PGBD5: variants seen among roughly 807,000 people sequenced by gnomAD.
The protein encoded by PGBD5 is piggyBac transposable element derived 5, also known as piggyBac transposable element-derived protein 5.
Under a neutral mutation model 47.9 loss-of-function variants are expected in PGBD5, and 14 were observed. The ratio of observed to expected loss-of-function variants is 0.29; its 90% CI spans 0.19 to 0.46. PGBD5 has a LOEUF of 0.46. PGBD5 is among the 20% of genes least tolerant of loss of function. PGBD5 has a pLI of 1.00. For missense variants in PGBD5, 635 were observed against 716.0 expected (o/e 0.89, Z 1.29); for synonymous variants, 316 against 306.3 (o/e 1.03, Z -0.33).
intron 1 of PGBD5, among the ~76,000 whole-genome samples, chr1:230,401,402 G>A (rs1023924126): frequency 6.6e-6 from 1 of 152,196 alleles, no homozygotes; most frequent in African/African-American, 2.4e-5. Context: ...TCTTCTCATG[G>A]GGAACTCCCA....
intron 1 of PGBD5, among the ~76,000 whole-genome samples, chr1:230,377,342 AG>A (rs1668028926): frequency 6.6e-6 from 1 of 152,230 alleles, no homozygotes; most frequent in Non-Finnish European, 1.5e-5. Context: ...ATAGGCACAA[AG>A]AAGCAATGGC....
At chr1:230,400,263 G>A (rs1571860026) in intron 1 of PGBD5, among the ~76,000 whole-genome samples, 1 of 152,284 alleles carries the variant, frequency 6.6e-6, no homozygotes, top group East Asian at 1.9e-4. Context: ...CCGCCTGGGA[G>A]CTTTGCTCAA....
intron 3 of PGBD5, among the ~76,000 whole-genome samples, chr1:230,344,253 C>T (rs998279268): frequency 2.0e-5 from 3 of 152,094 alleles, no homozygotes; most frequent in Non-Finnish European, 2.9e-5. Flanking sequence ...CCACTACACT[C>T]CAGCCTGGGC....
rs61206058 is a variant in PGBD5, at chr1:230,396,559, GC to G, written c.331+29038del. Reference sequence around the variant, plus strand: ...CTTGACAGCTAAGGTACATTTTGTTGCCCCCCCTCCCCCTGCATTCATCTGG... The same window carrying G: ...CTTGACAGCTAAGGTACATTTTGTTGCCCCCCTCCCCCTGCATTCATCTGG... On this transcript the variant is annotated intron_variant, in intron 1 of 6. Transcript: ENST00000391860. Among the ~76,000 whole-genome samples the G allele has an allele frequency of 2.5e-3, 295 of 117,644 alleles. 6 individuals are homozygous for G. Among genetic ancestry groups the G allele is most frequent in the African/African-American group, 1.0e-2 (270 of 27,044 alleles). The allele number at this position is 117,644 out of a possible 152,430, so 77.2% of individuals were successfully genotyped here. A position where few individuals can be genotyped will look rare whatever the true frequency, so the allele number is the denominator to read the frequency against.
intron 4 of PGBD5, among the ~76,000 whole-genome samples, chr1:230,335,751 A>G (rs1558192694): frequency 0.012 from 1 of 86 alleles, no homozygotes; most frequent in Non-Finnish European, 0.028. Context: ...ACAAAGACAC[A>G]CACAGATACA....
At chr1:230,391,610 C>T (rs1558208823) in intron 1 of PGBD5, among the ~76,000 whole-genome samples, 1 of 152,170 alleles carries the variant, frequency 6.6e-6, no homozygotes, top group Non-Finnish European at 1.5e-5. Flanking sequence ...AAGCTTTTGC[C>T]TCCTGCAGTA....
intron 1 of PGBD5, among the ~76,000 whole-genome samples, chr1:230,402,607 C>G (rs1260294055): frequency 6.6e-6 from 1 of 152,068 alleles, no homozygotes; most frequent in African/African-American, 2.4e-5. Flanking sequence ...GTACATACCA[C>G]CACTCCTGGC....
At chr1:230,332,772 G>A (rs1205476045) in intron 5 of PGBD5, 72 bp downstream of exon 5, 6 of 1,555,554 alleles carry the variant, frequency 3.9e-6, no homozygotes, top group Admixed American at 1.7e-5. Context: ...CACATCCACC[G>A]CAGCGGTGGG....
At position 230,356,891 on chromosome 1, in the gene PGBD5, C is replaced by T; in HGVS notation, c.759+3G>A. 1.2e-6 allele frequency: 2 copies of T among 1,611,856 alleles called. No individual in the cohort carries two copies. The highest frequency in any genetic ancestry group is 2.7e-5 in the African/African-American group (2 of 75,002). On this transcript the variant is annotated splice_donor_region_variant and intron_variant, in intron 2 of 6. Transcript: ENST00000391860. ...AAGCTCTTACGTCCTGCGTGGGCCT[C>T]ACCTGGGTTTGGGAAGGCCTGAAGG... is the stretch of plus-strand genomic sequence containing the variant.
At chr1:230,418,474 T>G (rs1400223438) in intron 1 of PGBD5, among the ~76,000 whole-genome samples, 2 of 152,104 alleles carry the variant, frequency 1.3e-5, no homozygotes, top group African/African-American at 4.8e-5. Flanking sequence ...AAGGGGCAGG[T>G]AGGAATCTTC....
Position 230,402,121 on chromosome 1 carries a change from A to T in PGBD5, c.331+23477T>A, listed in dbSNP as rs187374858. Among the ~76,000 whole-genome samples the T allele has an allele frequency of 5.0e-3, 761 of 150,956 alleles. 5 individuals carry two copies. Among genetic ancestry groups the T allele is most frequent in the Non-Finnish European group, 6.3e-3 (427 of 67,768 alleles). On this transcript the variant is annotated intron_variant, in intron 1 of 6. Coordinates refer to ENST00000391860, the MANE Select transcript of PGBD5 (RefSeq NM_001258311.2). ...GCTCAGATTTTTCCAGTCTTTCCTT[A>T]AAAAAAAAGAAATGAACATGCCAAG...
At chr1:230,376,545 TGTTGGATGGTTCA>T (rs11267232) in intron 1 of PGBD5, among the ~76,000 whole-genome samples, 44,050 of 151,958 alleles carry the variant, frequency 0.29, 7,312 homozygotes, top group Admixed American at 0.37. Context: ...TCTGGCTTCT[TGTTGGATGGTTCA>T]GTTGGATGGT....
At chr1:230,392,318 C>A (rs1344568487) in intron 1 of PGBD5, among the ~76,000 whole-genome samples, 2 of 152,158 alleles carry the variant, frequency 1.3e-5, no homozygotes, top group Non-Finnish European at 2.9e-5. Context: ...GCCTGTGCCC[C>A]ACGTACCCCT....
chr1:230,382,641 G>A (rs1656530750), intron 1 of PGBD5, among the ~76,000 whole-genome samples: 1 of 152,236 alleles, frequency 6.6e-6, no homozygotes, highest in Non-Finnish European at 1.5e-5. Flanking sequence ...AACTAGGGTG[G>A]TTGGTCACCT....
chr1:230,377,105 C>G (rs1275184113), intron 1 of PGBD5, among the ~76,000 whole-genome samples: 1 of 152,098 alleles, frequency 6.6e-6, no homozygotes, highest in Non-Finnish European at 1.5e-5. Context: ...AGAAAAAGGC[C>G]CTTCCTAACT....
At chr1:230,367,185 T>C (rs1434786578) in intron 1 of PGBD5, among the ~76,000 whole-genome samples, 1 of 152,040 alleles carries the variant, frequency 6.6e-6, no homozygotes, top group Non-Finnish European at 1.5e-5. Flanking sequence ...TCCATTTCAG[T>C]TTTCCTTCTA....
chr1:230,376,000 C>T (rs1042983546), intron 1 of PGBD5, among the ~76,000 whole-genome samples: 4 of 151,592 alleles, frequency 2.6e-5, no homozygotes, highest in African/African-American at 9.7e-5. Context: ...CATATCAGCA[C>T]GTGCTTGGGA....
At chr1:230,416,422 A>T (rs1430072323) in intron 1 of PGBD5, among the ~76,000 whole-genome samples, 1 of 152,232 alleles carries the variant, frequency 6.6e-6, no homozygotes, top group African/African-American at 2.4e-5. Context: ...ATTCAAAAAA[A>T]ACTGAGCACC....
intron 2 of PGBD5, among the ~76,000 whole-genome samples, chr1:230,353,425 A>C (rs1469989895): frequency 6.6e-6 from 1 of 152,148 alleles, no homozygotes; most frequent in Non-Finnish European, 1.5e-5. Flanking sequence ...ATTTGTGTAG[A>C]AACACACACA....
Sources: gnomAD v4.1 joint callset for allele counts (sites outside exome capture counted in the v4.1 genomes callset) on GRCh38, gnomAD v4.1.1 for gene constraint, MANE v1.5 for transcripts, NCBI Gene and HGNC (gene_info 2026-07-23, HGNC 2026-07-21) for gene names.